The following LYPLA1 variants were observed in gnomAD, a reference collection of about 807,000 sequenced individuals.
The protein encoded by LYPLA1 is acyl-protein thioesterase 1.
Under a neutral mutation model 34.0 loss-of-function variants are expected in LYPLA1, and 17 were observed. The observed-to-expected ratio is 0.50, with a 90% CI of 0.34 to 0.75. The LOEUF (loss-of-function observed/expected upper bound fraction) is 0.75. Ranked by LOEUF, LYPLA1 falls within the 30% of genes least tolerant of loss-of-function variation. The pLI is 0.01. For missense variants in LYPLA1, 203 were observed against 288.8 expected (o/e 0.70, Z 2.15); for synonymous variants, 98 against 100.8 (o/e 0.97, Z 0.17).
chr8:54,101,563 G>T lies in LYPLA1; in HGVS notation c.69+192C>A, dbSNP rs553804975. 6.1e-3 allele frequency: 7,031 copies of T among 1,148,410 alleles called. 32 individuals carry two copies. The highest frequency in any genetic ancestry group is 7.0e-3 in the Non-Finnish European group (6,537 of 934,378). 71.1% of individuals were successfully genotyped at this position (1,148,410 alleles called of 1,614,324 possible). ...GGAGGAGCTGGGGACTGGCCCTCGCGCCGGCTGTGACCCCCCGGCTGCCCC... is the reference window on the plus strand; with the variant it reads ...GGAGGAGCTGGGGACTGGCCCTCGCTCCGGCTGTGACCCCCCGGCTGCCCC... On this transcript the variant is annotated intron_variant, in intron 1 of 8. Transcript: ENST00000316963.
At chr8:54,095,482 T>C (rs531499588) in intron 2 of LYPLA1, among the ~76,000 whole-genome samples, 1 of 152,248 alleles carries the variant, frequency 6.6e-6, no homozygotes, top group African/African-American at 2.4e-5. Context: ...CCACAAAATA[T>C]TTTTTAATAT....
chr8:54,060,083 A>AT, intron 5 of LYPLA1, among the ~76,000 whole-genome samples: 1 of 152,204 alleles, frequency 6.6e-6, no homozygotes, highest in Non-Finnish European at 1.5e-5. Context: ...TTCAGTACAC[A>AT]TATGTAAAAG....
intron 7 of LYPLA1, 24 bp from the exon 8 acceptor site, chr8:54,051,212 AGTTTT>A (rs1305577193): frequency 2.5e-5 from 40 of 1,571,636 alleles, no homozygotes; most frequent in Non-Finnish European, 3.4e-5. Flanking sequence ...AAGAAGAAAT[AGTTTT>A]ATTTTTGTAA....
intron 2 of LYPLA1, among the ~76,000 whole-genome samples, chr8:54,099,728 G>A (rs1809967286): frequency 6.6e-6 from 1 of 151,586 alleles, no homozygotes; most frequent in South Asian, 2.1e-4. Flanking sequence ...CTGTGGCCCA[G>A]GCTGGAGTGC....
rs990281937 is a variant in LYPLA1, at chr8:54,100,792, A to T, written c.101+116T>A. On this transcript the variant is annotated intron_variant, in intron 2 of 8. Coordinates refer to ENST00000316963, the MANE Select transcript of LYPLA1 (RefSeq NM_006330.4). ...AATCACCGCACTGTAAGATACATTA[A>T]CTGGCAATCTTAAAATACCATTTTA... The T allele has an allele frequency of 6.0e-6, 5 of 827,360 alleles. No homozygotes were observed. The African/African-American group carries it at 8.6e-5, about 14-fold the overall frequency. 51.3% of individuals were successfully genotyped at this position (827,360 alleles called of 1,614,324 possible). A position where few individuals can be genotyped will look rare whatever the true frequency, so the allele number is the denominator to read the frequency against.
At chr8:54,044,759 C>T (rs920916457), downstream of LYPLA1, 1 of 152,072 alleles carries the variant, frequency 6.6e-6, no homozygotes, top group African/African-American at 2.4e-5. Flanking sequence ...CATAGCAAGA[C>T]CCCATCTCTA....
At chr8:54,071,161 G>T (rs2129340641) in intron 2 of LYPLA1, among the ~76,000 whole-genome samples, 1 of 152,198 alleles carries the variant, frequency 6.6e-6, no homozygotes, top group Non-Finnish European at 1.5e-5. Context: ...AAACTGCAAA[G>T]GAAATGAAAG....
chr8:54,063,293 T>G, intron 4 of LYPLA1, 35 bp downstream of exon 4: 3 of 1,278,230 alleles, frequency 2.3e-6, no homozygotes, highest in Non-Finnish European at 3.2e-6. Flanking sequence ...ATAAGTAATA[T>G]AATGTTCTTA....
chr8:54,058,164 ATTGTACGTAGTTAAGTG>A (rs1806343174), intron 5 of LYPLA1, among the ~76,000 whole-genome samples: 1 of 152,198 alleles, frequency 6.6e-6, no homozygotes, highest in Admixed American at 6.5e-5. Context: ...AGTGTTTAAA[ATTGTACGTAGTTAAGTG>A]TTGTACGTAG....
intron 2 of LYPLA1, among the ~76,000 whole-genome samples, chr8:54,096,585 C>CA (rs879707724): frequency 2.6e-5 from 4 of 151,048 alleles, no homozygotes; most frequent in Non-Finnish European, 2.9e-5. Context: ...ACTAAAAATA[C>CA]AAAAAAAATT....
intron 2 of LYPLA1, among the ~76,000 whole-genome samples, chr8:54,095,862 T>A (rs1248774373): frequency 6.6e-6 from 1 of 151,856 alleles, no homozygotes; most frequent in African/African-American, 2.4e-5. Flanking sequence ...GGTATTACCA[T>A]ACCCGGCCTG....
chr8:54,095,068 G>A (rs1251030377), intron 2 of LYPLA1, among the ~76,000 whole-genome samples: 2 of 150,254 alleles, frequency 1.3e-5, no homozygotes, highest in Non-Finnish European at 2.9e-5. Flanking sequence ...TCTCACTGTC[G>A]CCTAGGCTGG....
chr8:54,071,141 A>G (rs562937551), intron 2 of LYPLA1, among the ~76,000 whole-genome samples: 3 of 152,302 alleles, frequency 2.0e-5, no homozygotes, highest in Admixed American at 6.5e-5. Context: ...GGCTGTGGCT[A>G]TATGCTTTAA....
At chr8:54,101,511 C>T in intron 1 of LYPLA1, 11 of 1,131,436 alleles carry the variant, frequency 9.7e-6, no homozygotes, top group Non-Finnish European at 1.2e-5. Context: ...GCGGGGGTCC[C>T]GGGGCCACAC....
At chr8:54,052,324 C>T (rs1805902398) in intron 7 of LYPLA1, among the ~76,000 whole-genome samples, 1 of 151,982 alleles carries the variant, frequency 6.6e-6, no homozygotes, top group Non-Finnish European at 1.5e-5. Flanking sequence ...CCTAGTAATA[C>T]ATCACAAAAG....
chr8:54,052,175 G>C (rs766694230), intron 7 of LYPLA1, among the ~76,000 whole-genome samples: 3 of 152,022 alleles, frequency 2.0e-5, no homozygotes. Context: ...ATTTCTATAT[G>C]TTAAAAAAAG....
chr8:54,095,831 T>C (rs1281964598), intron 2 of LYPLA1, among the ~76,000 whole-genome samples: 1 of 152,028 alleles, frequency 6.6e-6, no homozygotes, highest in Non-Finnish European at 1.5e-5. Context: ...GCGATTCTCA[T>C]GCTCAGCTTC....
chr8:54,073,683 TAA>T (rs1266844080), intron 2 of LYPLA1: 2 of 369,434 alleles, frequency 5.4e-6, no homozygotes, highest in African/African-American at 2.1e-5. Flanking sequence ...TTAGTTGCCT[TAA>T]AATAATGAAT....
intron 6 of LYPLA1, 200 bp from the exon 7 acceptor site, chr8:54,052,956 A>G: frequency 2.0e-6 from 1 of 493,488 alleles, no homozygotes; most frequent in Non-Finnish European, 3.7e-6. Context: ...GAACATACAG[A>G]CTTCCTTTCC....
Sources: gnomAD v4.1 joint callset for allele counts (sites outside exome capture counted in the v4.1 genomes callset) on GRCh38, gnomAD v4.1.1 for gene constraint, MANE v1.5 for transcripts, NCBI Gene and HGNC (gene_info 2026-07-23, HGNC 2026-07-21) for gene names.